The following CEACAM21 variants were observed in gnomAD, a reference collection of about 807,000 sequenced individuals.
The protein encoded by CEACAM21 is CEA cell adhesion molecule 21, also known as cell adhesion molecule CEACAM21.
Under a neutral mutation model 33.2 loss-of-function variants are expected in CEACAM21, and 38 were observed. The observed-to-expected ratio is 1.14, with a 90% confidence interval of 0.88 to 1.50. The LOEUF (loss-of-function observed/expected upper bound fraction) is 1.50, where lower values mean the gene tolerates loss of function less well. Among genes scored for constraint, CEACAM21 ranks in the 40% most tolerant of loss-of-function variants. The pLI is 0.00. For synonymous variants in CEACAM21, 156 were observed against 143.0 expected, an observed-to-expected ratio of 1.09 and a Z score of -0.65; for missense variants, 385 against 364.6, an observed-to-expected ratio of 1.06 and a Z score of -0.46.
intron 3 of CEACAM21, 38 bp from the exon 4 acceptor site, chr19:41,584,309 C>T: frequency 6.4e-7 from 1 of 1,564,670 alleles, no homozygotes; most frequent in East Asian, 2.3e-5. Flanking sequence ...CCCCCTGGAA[C>T]AGATTTGGAC....
intron 1 of CEACAM21, among the ~76,000 whole-genome samples, chr19:41,560,945 T>C (rs1417983688): frequency 6.6e-6 from 1 of 152,028 alleles, no homozygotes; most frequent in African/African-American, 2.4e-5. Context: ...CCACAATATA[T>C]AGAGGGATAT....
chr19:41,550,374 T>A (rs1202722612), intron 1 of CEACAM21: 1 of 152,198 alleles, frequency 6.6e-6, no homozygotes, highest in Non-Finnish European at 1.5e-5. Context: ...ATGAACCGAG[T>A]TTGTGGATGA....
intron 4 of CEACAM21, 137 bp from the exon 5 acceptor site, chr19:41,585,306 T>C: frequency 1.2e-6 from 1 of 851,236 alleles, no homozygotes; most frequent in African/African-American, 1.7e-5. Context: ...CCTGGGCCCC[T>C]CCTACCACAG....
intron 1 of CEACAM21, chr19:41,552,262 T>G (rs1419394370): frequency 6.6e-6 from 1 of 152,190 alleles, no homozygotes; most frequent in Non-Finnish European, 1.5e-5. Flanking sequence ...CCTGACCTTG[T>G]CTCCTGCTCA....
At chr19:41,559,180 A>T (rs1430251605) in intron 1 of CEACAM21, among the ~76,000 whole-genome samples, 1 of 152,254 alleles carries the variant, frequency 6.6e-6, no homozygotes, top group Non-Finnish European at 1.5e-5. Context: ...GCCATATATT[A>T]TGCCAAATAC....
At chr19:41,562,038 G>A (rs782213556) in intron 1 of CEACAM21, among the ~76,000 whole-genome samples, 1 of 152,142 alleles carries the variant, frequency 6.6e-6, no homozygotes, top group Non-Finnish European at 1.5e-5. Flanking sequence ...CTGAGGTCAG[G>A]AGTTCGAGAC....
At chr19:41,550,156 G>A (rs1194151067) in intron 1 of CEACAM21, 2 of 152,182 alleles carry the variant, frequency 1.3e-5, no homozygotes, top group Non-Finnish European at 2.9e-5. Flanking sequence ...GAACTATGTT[G>A]AAAACAGGAT....
intron 1 of CEACAM21, among the ~76,000 whole-genome samples, chr19:41,564,087 C>A (rs116468015): frequency 0.018 from 2,674 of 152,280 alleles, 85 homozygotes; most frequent in African/African-American, 0.061. Flanking sequence ...TGGTCTAAAC[C>A]AGCTCAGGTT....
intron 1 of CEACAM21, among the ~76,000 whole-genome samples, chr19:41,556,568 A>G (rs2041542139): frequency 1.3e-5 from 2 of 152,248 alleles, no homozygotes; most frequent in South Asian, 4.1e-4. Flanking sequence ...AACACAAAGA[A>G]TTGCGATTTC....
At chr19:41,585,730 G>C in intron 5 of CEACAM21, 110 bp from the exon 6 acceptor site, 1 of 1,237,738 alleles carries the variant, frequency 8.1e-7, no homozygotes, top group Middle Eastern at 1.9e-4. Flanking sequence ...AATAACCTGA[G>C]AAAGGCTCCC....
chr19:41,584,295 G>T (rs879957675), intron 3 of CEACAM21, 52 bp from the exon 4 acceptor site: 6 of 1,506,684 alleles, frequency 4.0e-6, no homozygotes, highest in Non-Finnish European at 5.5e-6. Flanking sequence ...GGCCCCTCAT[G>T]GTTCCCCCTG....
At chr19:41,554,123 C>T (rs2041394704) in intron 1 of CEACAM21, among the ~76,000 whole-genome samples, 1 of 151,962 alleles carries the variant, frequency 6.6e-6, no homozygotes, top group Non-Finnish European at 1.5e-5. Context: ...TCACTTCAGC[C>T]TCCTATTAGT....
At chr19:41,558,010 G>C (rs782600483) in intron 1 of CEACAM21, among the ~76,000 whole-genome samples, 1 of 152,188 alleles carries the variant, frequency 6.6e-6, no homozygotes, top group Non-Finnish European at 1.5e-5. Context: ...TTCGTCTGGG[G>C]ACCTGAGCCT....
intron 6 of CEACAM21, 69 bp from the exon 7 acceptor site, chr19:41,586,395 C>G (rs2070738333): frequency 1.6e-6 from 1 of 614,232 alleles, no homozygotes; most frequent in Admixed American, 1.8e-5. Flanking sequence ...CTGGGTGGGC[C>G]CAGAGAGAGA....
upstream of CEACAM21, among the ~76,000 whole-genome samples, chr19:41,572,982 C>G (rs1341535629): frequency 1.3e-5 from 2 of 152,136 alleles, no homozygotes; most frequent in Non-Finnish European, 2.9e-5. Context: ...AGGTGCCCAG[C>G]TCAGTAAGAC....
At chr19:41,557,711 T>G (rs2041622845) in intron 1 of CEACAM21, among the ~76,000 whole-genome samples, 1 of 152,236 alleles carries the variant, frequency 6.6e-6, no homozygotes, top group South Asian at 2.1e-4. Flanking sequence ...ACATTGCAAG[T>G]GAACTGGCAT....
At chr19:41,586,046 C>A in intron 6 of CEACAM21, 175 bp downstream of exon 6, 1 of 667,944 alleles carries the variant, frequency 1.5e-6, no homozygotes, top group Non-Finnish European at 2.6e-6. Flanking sequence ...CATCCACTCC[C>A]TGTGCTAACC....
chr19:41,584,461 C>A lies in CEACAM21; in HGVS notation c.797+18C>A. The A allele has an allele frequency of 1.3e-6, 2 of 1,588,916 alleles. No individual in the cohort carries two copies. The highest frequency in any genetic ancestry group is 2.3e-5 in the East Asian group (1 of 43,928). ...ACTGGCAGGTACCACAGCTTTTCCCCATTCTGCTCCCATCCTTCACGCTGA... is the reference window on the plus strand; with the variant it reads ...ACTGGCAGGTACCACAGCTTTTCCCAATTCTGCTCCCATCCTTCACGCTGA... On this transcript the variant is annotated intron_variant, in intron 4 of 6. Transcript: ENST00000401445.
intron 1 of CEACAM21, chr19:41,555,338 T>C (rs1600134232): frequency 7.0e-6 from 1 of 142,654 alleles, no homozygotes; most frequent in South Asian, 2.2e-4. Flanking sequence ...CAAGGAAACA[T>C]ATAGATGAGC....
Sources: gnomAD v4.1 joint callset for allele counts (sites outside exome capture counted in the v4.1 genomes callset) on GRCh38, gnomAD v4.1.1 for gene constraint, MANE v1.5 for transcripts, NCBI Gene and HGNC (gene_info 2026-07-23, HGNC 2026-07-21) for gene names.